The following THSD4 variants were observed in gnomAD, a reference collection of about 807,000 sequenced individuals.
THSD4 encodes the protein thrombospondin type 1 domain containing 4.
THSD4 carries 69 observed loss-of-function variants against 119.0 expected under a neutral mutation model. The ratio of observed to expected loss-of-function variants is 0.58; its 90% CI spans 0.48 to 0.71. THSD4 has a LOEUF of 0.71. Among genes scored for constraint, THSD4 ranks in the 30% least tolerant of loss-of-function variants. The pLI is 0.00. For missense variants in THSD4, 1,393 were observed against 1,391.1 expected, an observed-to-expected ratio of 1.00 and a Z score of -0.02; for synonymous variants, 524 against 540.4, an observed-to-expected ratio of 0.97 and a Z score of 0.42.
chr15:71,269,120 G>T (rs1004539940), intron 6 of THSD4, among the ~76,000 whole-genome samples: 2 of 152,098 alleles, frequency 1.3e-5, no homozygotes, highest in Non-Finnish European at 2.9e-5. Flanking sequence ...TCATTCTGAT[G>T]TCAAAACCTG....
At chr15:71,307,510 G>A (rs374029135) in intron 6 of THSD4, among the ~76,000 whole-genome samples, 4 of 152,300 alleles carry the variant, frequency 2.6e-5, no homozygotes, top group East Asian at 3.9e-4. Context: ...GGTGGCTCAC[G>A]CCTGTAATTC....
chr15:71,152,432 A>T (rs1395783131), intron 2 of THSD4, among the ~76,000 whole-genome samples: 2 of 152,030 alleles, frequency 1.3e-5, no homozygotes, highest in Non-Finnish European at 1.5e-5. Flanking sequence ...CAAAAAAAAA[A>T]AAATAAAAAT....
At chr15:71,648,832 C>G (rs1379007376) in intron 7 of THSD4, among the ~76,000 whole-genome samples, 1 of 152,192 alleles carries the variant, frequency 6.6e-6, no homozygotes, top group Admixed American at 6.5e-5. Context: ...CAACATTTTA[C>G]CAGCCCCTAC....
chr15:71,637,998 A>G (rs376836824), intron 7 of THSD4, among the ~76,000 whole-genome samples: 19 of 152,298 alleles, frequency 1.2e-4, no homozygotes, highest in African/African-American at 4.6e-4. Flanking sequence ...AAGTGCTGGG[A>G]TTACAGGTGT....
chr15:71,433,703 G>A (rs990593288), intron 7 of THSD4, among the ~76,000 whole-genome samples: 2 of 152,140 alleles, frequency 1.3e-5, no homozygotes, highest in Admixed American at 6.5e-5. Flanking sequence ...CAGCTGTGAA[G>A]ATGATGCCAG....
chr15:71,344,124 C>T (rs1019562486), intron 6 of THSD4, among the ~76,000 whole-genome samples: 5 of 150,768 alleles, frequency 3.3e-5, no homozygotes, highest in South Asian at 4.2e-4. Flanking sequence ...CTGCAAGCTC[C>T]GCCTCCCAGG....
chr15:71,723,101 G>GTC (rs2052754832), intron 8 of THSD4, among the ~76,000 whole-genome samples: 1 of 150,704 alleles, frequency 6.6e-6, no homozygotes, highest in Non-Finnish European at 1.5e-5. Flanking sequence ...AAAAAAAAAT[G>GTC]GGCAGATAAT....
chr15:71,323,340 C>T (rs964525576), intron 6 of THSD4, among the ~76,000 whole-genome samples: 1 of 152,126 alleles, frequency 6.6e-6, no homozygotes, highest in Admixed American at 6.5e-5. Flanking sequence ...CTCATGTTCG[C>T]CTGTGTCCAG....
chr15:71,330,356 A>G (rs1319798609), intron 6 of THSD4, among the ~76,000 whole-genome samples: 12 of 152,194 alleles, frequency 7.9e-5, no homozygotes. Flanking sequence ...AATGGCATGC[A>G]GTTGTCATTA....
chr15:71,173,769 T>TA (rs1333902629), intron 3 of THSD4, among the ~76,000 whole-genome samples: 1 of 151,988 alleles, frequency 6.6e-6, no homozygotes, highest in Non-Finnish European at 1.5e-5. Flanking sequence ...TTTCAAAACT[T>TA]ACTGCAGAGC....
At chr15:71,604,521 A>G in intron 7 of THSD4, among the ~76,000 whole-genome samples, 1 of 152,232 alleles carries the variant, frequency 6.6e-6, no homozygotes, top group East Asian at 1.9e-4. Flanking sequence ...AGATGACCTC[A>G]GATGAGTGAC....
chr15:71,433,702 A>G (rs1415735329), intron 7 of THSD4, among the ~76,000 whole-genome samples: 1 of 152,138 alleles, frequency 6.6e-6, no homozygotes, highest in Non-Finnish European at 1.5e-5. Flanking sequence ...ACAGCTGTGA[A>G]GATGATGCCA....
chr15:71,567,413 A>G (rs889945381), intron 7 of THSD4, among the ~76,000 whole-genome samples: 9 of 152,190 alleles, frequency 5.9e-5, no homozygotes, highest in African/African-American at 2.2e-4. Flanking sequence ...TGTGGGCACC[A>G]GAGCTGAATC....
intron 8 of THSD4, among the ~76,000 whole-genome samples, chr15:71,694,237 G>A (rs1299280510): frequency 6.6e-6 from 1 of 152,072 alleles, no homozygotes; most frequent in Admixed American, 6.5e-5. Flanking sequence ...TGTCATGGTT[G>A]GTTCATCTGA....
In THSD4 at chr15:71,720,715, G is replaced by T. The variant is rs532582270; in HGVS notation, c.1358-7834G>T. On this transcript the variant is annotated intron_variant, in intron 8 of 17. Coordinates refer to ENST00000261862, the MANE Select transcript of THSD4 (RefSeq NM_024817.3). Reference sequence around the variant, plus strand: ...TCATGCCCATGTGTGGGATTCCATGGAAGCTCATATTTTAGACCAGAAATG... The same window carrying T: ...TCATGCCCATGTGTGGGATTCCATGTAAGCTCATATTTTAGACCAGAAATG... 2.6e-5 allele frequency among the ~76,000 whole-genome samples: 4 copies of T among 152,318 alleles called. No individual in the cohort carries two copies. In the South Asian group the frequency reaches 8.3e-4, roughly 32 times the overall value.
intron 6 of THSD4, among the ~76,000 whole-genome samples, chr15:71,313,983 GC>G (rs1366516127): frequency 6.6e-6 from 1 of 152,148 alleles, no homozygotes; most frequent in African/African-American, 2.4e-5. Flanking sequence ...GGATGATGAG[GC>G]ATAGGAAGGC....
At chr15:71,243,667 C>T (rs1302589859) in intron 5 of THSD4, among the ~76,000 whole-genome samples, 1 of 151,920 alleles carries the variant, frequency 6.6e-6, no homozygotes, top group East Asian at 1.9e-4. Context: ...CATATATATA[C>T]AGGTATACCC....
intron 6 of THSD4, among the ~76,000 whole-genome samples, chr15:71,343,434 A>G (rs1473351526): frequency 6.6e-6 from 1 of 152,232 alleles, no homozygotes; most frequent in Non-Finnish European, 1.5e-5. Context: ...TTTTCTAACC[A>G]TCTCAGAGGG....
intron 7 of THSD4, among the ~76,000 whole-genome samples, chr15:71,649,291 G>C (rs141096263): frequency 0.031 from 4,311 of 138,918 alleles, 198 homozygotes; most frequent in African/African-American, 0.1. Context: ...TTGTTTTTTT[G>C]AGACAGAGTT....
Sources: allele counts gnomAD v4.1 joint callset (sites outside exome capture counted in the v4.1 genomes callset), GRCh38; gene constraint gnomAD v4.1.1; transcripts MANE v1.5; gene names NCBI Gene and HGNC (gene_info 2026-07-23, HGNC 2026-07-21).